The following TPO variants were observed in gnomAD, a reference collection of about 807,000 sequenced individuals.
TPO encodes thyroid peroxidase, also known as thyroid microsomal antigen.
TPO carries 78 observed loss-of-function variants against 96.9 expected under a neutral mutation model. That is an observed-to-expected ratio of 0.81 (90% CI 0.67 to 0.97). TPO has a LOEUF of 0.97. Among genes scored for constraint, TPO ranks in the 50% least tolerant of loss-of-function variants. The pLI, the probability that TPO is intolerant of heterozygous loss-of-function variation, is 0.00. For synonymous variants in TPO, 547 were observed against 538.0 expected (o/e 1.02, Z -0.23); for missense variants, 1,252 against 1,274.8 (o/e 0.98, Z 0.27).
chr2:1,401,054 C>G (rs774601769), intron 1 of TPO, among the ~76,000 whole-genome samples: 1 of 148,562 alleles, frequency 6.7e-6, no homozygotes, highest in Non-Finnish European at 1.5e-5. Flanking sequence ...TACTCCTCAC[C>G]TTGCTGTAAG....
chr2:1,476,511 A>T (rs1254932784), intron 7 of TPO, among the ~76,000 whole-genome samples: 1 of 152,248 alleles, frequency 6.6e-6, no homozygotes, highest in African/African-American at 2.4e-5. Flanking sequence ...TACACTAAAC[A>T]GTGATGCCCA....
chr2:1,455,184 T>C (rs1225989254), intron 6 of TPO, among the ~76,000 whole-genome samples: 1 of 152,226 alleles, frequency 6.6e-6, no homozygotes, highest in Non-Finnish European at 1.5e-5. Context: ...GTGACTGGAT[T>C]GGACACTCGT....
At chr2:1,420,836 C>T (rs375085981) in intron 2 of TPO, among the ~76,000 whole-genome samples, 1 of 152,034 alleles carries the variant, frequency 6.6e-6, no homozygotes. Context: ...AGGAGCAGAA[C>T]GTTCTCCCAG....
At position 1,493,783 on chromosome 2, in the gene TPO, C is replaced by A; in HGVS notation, c.1769-19C>A. The A allele has an allele frequency of 6.2e-7, 1 of 1,613,490 alleles. No homozygotes were observed. Among genetic ancestry groups the A allele is most frequent in the Non-Finnish European group, 8.5e-7 (1 of 1,179,514 alleles). On this transcript the variant is annotated intron_variant, in intron 10 of 16. Coordinates refer to ENST00000329066, the MANE Select transcript of TPO (RefSeq NM_001206744.2). ...GTTCAGTTCTGTGAGAGAAACCCTG[C>A]AGCCTCTCCCCTGTGCAGGTTACAA... is the stretch of plus-strand genomic sequence containing the variant.
intron 14 of TPO, among the ~76,000 whole-genome samples, chr2:1,505,352 C>T (rs1673307045): frequency 6.7e-6 from 1 of 149,390 alleles, no homozygotes; most frequent in Non-Finnish European, 1.5e-5. Flanking sequence ...TTGTGTCAGG[C>T]ACACACCCCC....
intron 14 of TPO, among the ~76,000 whole-genome samples, chr2:1,511,162 C>CCACAGCACAGCCCTGCAGACTGGGGGTGT (rs1317322658): frequency 1.3e-5 from 2 of 151,928 alleles, no homozygotes; most frequent in African/African-American, 4.8e-5. Flanking sequence ...CCTGGGGGTG[C>CCACAGCACAGCCCTGCAGACTGGGGGTGT]CACAGCACAG....
intron 15 of TPO, among the ~76,000 whole-genome samples, chr2:1,519,286 G>A (rs990972956): frequency 5.9e-5 from 9 of 152,186 alleles, no homozygotes; most frequent in African/African-American, 1.7e-4. Flanking sequence ...GAGGTGGAGC[G>A]AGAGCCTGTT....
chr2:1,420,296 G>T (rs1004054556), intron 2 of TPO, among the ~76,000 whole-genome samples: 2 of 152,154 alleles, frequency 1.3e-5, no homozygotes, highest in East Asian at 3.9e-4. Flanking sequence ...GGATAAGCAT[G>T]TTTCTTTATA....
intron 1 of TPO, among the ~76,000 whole-genome samples, chr2:1,376,739 T>C (rs138226637): frequency 2.3e-3 from 348 of 152,084 alleles, no homozygotes; most frequent in African/African-American, 7.4e-3. Flanking sequence ...GTAAAGACAC[T>C]TAACAAAAAG....
intron 6 of TPO, among the ~76,000 whole-genome samples, chr2:1,455,841 G>A (rs1489045251): frequency 6.6e-6 from 1 of 152,184 alleles, no homozygotes; most frequent in East Asian, 1.9e-4. Context: ...GAGGGCTGAG[G>A]GAAGTTAATG....
chr2:1,496,571 T>C lies in TPO; in HGVS notation c.2216-24T>C, dbSNP rs758995832. On this transcript the variant is annotated intron_variant, in intron 12 of 16. Transcript: ENST00000329066. ...TTTCTTTTCTCGTAGTTTGACTACA[T>C]GTCAACCTGTCCACATTTCATAGAC... The C allele has an allele frequency of 8.7e-6, 14 of 1,613,314 alleles. No individual in the cohort carries two copies. The South Asian group carries it at 1.5e-4, about 18-fold the overall frequency.
chr2:1,490,351 G>A (rs1671649278), intron 10 of TPO, among the ~76,000 whole-genome samples: 1 of 21,778 alleles, frequency 4.6e-5, no homozygotes, highest in Non-Finnish European at 8.3e-5. Context: ...CGACACAGCA[G>A]TGTAAGAGCC....
intron 7 of TPO, among the ~76,000 whole-genome samples, chr2:1,466,117 T>C (rs114714993): frequency 0.019 from 2,833 of 152,340 alleles, 94 homozygotes; most frequent in African/African-American, 0.066. Flanking sequence ...CTGGATCTTT[T>C]TGAATGCTTT....
At chr2:1,485,574 C>T (rs1400588670) in intron 9 of TPO, among the ~76,000 whole-genome samples, 3 of 151,708 alleles carry the variant, frequency 2.0e-5, no homozygotes, top group East Asian at 3.9e-4. Flanking sequence ...CTATTGTTTT[C>T]CTGACTTTTT....
intron 14 of TPO, among the ~76,000 whole-genome samples, chr2:1,506,602 T>C (rs545512441): frequency 1.3e-5 from 2 of 152,212 alleles, no homozygotes; most frequent in Admixed American, 6.5e-5. Context: ...GGTATCTCAT[T>C]GTGGTTTTGA....
chr2:1,526,399 A>AC (rs1350599717), intron 15 of TPO, among the ~76,000 whole-genome samples: 1 of 51,484 alleles, frequency 1.9e-5, no homozygotes, highest in Non-Finnish European at 3.4e-5. Context: ...AATGTGAGCA[A>AC]CCCCCCCAAA....
At chr2:1,396,627 C>T (rs1662083919) in intron 1 of TPO, among the ~76,000 whole-genome samples, 1 of 152,186 alleles carries the variant, frequency 6.6e-6, no homozygotes, top group African/African-American at 2.4e-5. Flanking sequence ...TTCTTTCCCT[C>T]AGATGCGTGA....
intron 16 of TPO, chr2:1,541,250 GGTCACAGGCACAAA>G (rs1411578824): frequency 1.9e-6 from 2 of 1,064,296 alleles, no homozygotes; most frequent in Non-Finnish European, 2.3e-6. Context: ...GGGAGGTGCT[GGTCACAGGCACAAA>G]GTCTCAGGCA....
intron 13 of TPO, among the ~76,000 whole-genome samples, chr2:1,498,506 G>A (rs1451799341): frequency 6.6e-6 from 1 of 152,236 alleles, no homozygotes; most frequent in Non-Finnish European, 1.5e-5. Context: ...TGTCATCACT[G>A]GAAACCAGCA....
Sources: gnomAD v4.1 joint callset for allele counts (sites outside exome capture counted in the v4.1 genomes callset) on GRCh38, gnomAD v4.1.1 for gene constraint, MANE v1.5 for transcripts, NCBI Gene and HGNC (gene_info 2026-07-23, HGNC 2026-07-21) for gene names.